Variants in ATP2B4 observed in about 807,000 individuals in gnomAD.
ATP2B4 encodes the protein plasma membrane calcium-transporting ATPase 4.
A neutral mutation model predicts 110.3 loss-of-function variants in ATP2B4; 39 were observed. The observed-to-expected ratio is 0.35, with a 90% CI of 0.27 to 0.46. The LOEUF is 0.46. Among genes scored for constraint, ATP2B4 ranks in the 20% least tolerant of loss-of-function variants. The pLI is 1.00. For missense variants in ATP2B4, 1,135 were observed against 1,530.9 expected, an observed-to-expected ratio of 0.74 and a Z score of 4.32; for synonymous variants, 538 against 571.7, an observed-to-expected ratio of 0.94 and a Z score of 0.84.
rs1377563140 is a variant in ATP2B4, at chr1:203,715,823, T to C, written c.2406+1546T>C. Among the ~76,000 whole-genome samples, 7 of 144,464 alleles carry C rather than the reference T, an allele frequency of 4.8e-5. 1 individual carries two copies. The highest frequency in any genetic ancestry group is 1.5e-4 in the African/African-American group (6 of 39,536). 94.8% of individuals were successfully genotyped at this position (144,464 alleles called of 152,430 possible). On this transcript the variant is annotated intron_variant, in intron 15 of 20. Transcript: ENST00000357681. The stretch of plus-strand genomic sequence containing the variant: ...ATAACTTGCAGTTATTTGATACATC[T>C]GTTAAGTCTCTTAACCTATCTCTTG...
At chr1:203,655,962 C>T (rs1309938920) in intron 1 of ATP2B4, among the ~76,000 whole-genome samples, 1 of 151,848 alleles carries the variant, frequency 6.6e-6, no homozygotes, top group Non-Finnish European at 1.5e-5. Flanking sequence ...TGGAGTGCAA[C>T]GGTGCGATCT....
chr1:203,707,115 C>T lies in ATP2B4; in HGVS notation c.1206C>T (p.Tyr402=). Residue 402 remains tyrosine, a synonymous_variant, in exon 9 of 21, where the codon TAC becomes TAT. Coordinates refer to ENST00000357681, the MANE Select transcript of ATP2B4 (RefSeq NM_001684.5). ...GGCTCCCTGAGTGTACTCCCATCTA[C>T]ATCCAGTACTTTGTCAAGTTCTTCA... is the stretch of plus-strand genomic sequence containing the variant. The part of the protein sequence containing the change: ...RPWLPECTPI[Y]IQYFVKFFII... 2 of 1,614,156 alleles carry T rather than the reference C, an allele frequency of 1.2e-6. No homozygotes were observed. The highest frequency in any genetic ancestry group is 1.7e-6 in the Non-Finnish European group (2 of 1,180,010).
intron 1 of ATP2B4, among the ~76,000 whole-genome samples, chr1:203,635,847 G>A (rs955975545): frequency 1.3e-5 from 2 of 152,140 alleles, no homozygotes; most frequent in African/African-American, 4.8e-5. Context: ...CTAAGCTCTT[G>A]GGTGCTGAGA....
At chr1:203,687,994 G>GATTATT (rs71145015) in intron 2 of ATP2B4, among the ~76,000 whole-genome samples, 1,842 of 138,572 alleles carry the variant, frequency 0.013, 14 homozygotes, top group Non-Finnish European at 0.015. Context: ...GAGAGAAAGA[G>GATTATT]ATTATTATTA....
intron 3 of ATP2B4, among the ~76,000 whole-genome samples, chr1:203,699,113 A>G (rs994842189): frequency 6.6e-6 from 1 of 152,122 alleles, no homozygotes; most frequent in African/African-American, 2.4e-5. Context: ...AAAACCCTAC[A>G]TCTCAAAGTG....
At chr1:203,717,067 G>A (rs1009966921) in intron 15 of ATP2B4, among the ~76,000 whole-genome samples, 2 of 111,844 alleles carry the variant, frequency 1.8e-5, no homozygotes, top group African/African-American at 6.2e-5. Context: ...GCATGATGGC[G>A]GGCGCCTGTA....
At position 203,669,241 on chromosome 1, in the gene ATP2B4, A is replaced by T. The variant is rs140435623; in HGVS notation, c.-464-13501A>T. Among the ~76,000 whole-genome samples, 791 of 152,216 alleles carry T rather than the reference A, an allele frequency of 5.2e-3. 9 individuals carry two copies. Among genetic ancestry groups the T allele is most frequent in the African/African-American group, 0.018 (760 of 41,522 alleles). On this transcript the variant is annotated intron_variant, in intron 1 of 20. Coordinates refer to ENST00000357681, the MANE Select transcript of ATP2B4 (RefSeq NM_001684.5). Reference sequence around the variant, plus strand: ...TTCAGTGATGGCTCATTCCCCTTCTATCTGCACCAAAACCTCTGTGACTGT... The same window carrying T: ...TTCAGTGATGGCTCATTCCCCTTCTTTCTGCACCAAAACCTCTGTGACTGT...
intron 2 of ATP2B4, among the ~76,000 whole-genome samples, chr1:203,690,103 A>C (rs1665320073): frequency 6.6e-6 from 1 of 152,208 alleles, no homozygotes; most frequent in South Asian, 2.1e-4. Flanking sequence ...AAGACGGCCA[A>C]CCCAAATTAC....
chr1:203,672,022 T>C lies in ATP2B4; in HGVS notation c.-464-10720T>C, dbSNP rs1664678428. On this transcript the variant is annotated intron_variant, in intron 1 of 20. Coordinates refer to ENST00000357681, the MANE Select transcript of ATP2B4 (RefSeq NM_001684.5). The stretch of plus-strand genomic sequence containing the variant: ...CTTGATAGTGGCAGCTGGTGGGGGC[T>C]GGGGGGAGGGAGGAGTGCTGCTGTT... Among the ~76,000 whole-genome samples the C allele has an allele frequency of 1.3e-5, 2 of 151,632 alleles. 1 individual carries two copies. The highest frequency in any genetic ancestry group is 4.2e-4 in the South Asian group (2 of 4,810).
intron 12 of ATP2B4, among the ~76,000 whole-genome samples, 174 bp from the exon 13 acceptor site, chr1:203,711,786 A>G (rs1265689788): frequency 6.6e-5 from 10 of 152,204 alleles, no homozygotes; most frequent in Admixed American, 6.5e-4. Context: ...CGTGGGTAGG[A>G]CAGAAGTGAG....
intron 20 of ATP2B4, among the ~76,000 whole-genome samples, chr1:203,731,614 G>A (rs1666714354): frequency 1.3e-5 from 2 of 152,176 alleles, no homozygotes; most frequent in South Asian, 2.1e-4. Context: ...CACTTTGGGA[G>A]GCTGAGGAAG....
At chr1:203,651,262 C>G (rs192458629) in intron 1 of ATP2B4, among the ~76,000 whole-genome samples, 1 of 152,144 alleles carries the variant, frequency 6.6e-6, no homozygotes, top group East Asian at 1.9e-4. Context: ...ATTTCTAGTT[C>G]TATCTCTTTT....
chr1:203,644,678 T>G (rs1259344989), intron 1 of ATP2B4, among the ~76,000 whole-genome samples: 2 of 152,156 alleles, frequency 1.3e-5, no homozygotes, highest in African/African-American at 4.8e-5. Flanking sequence ...AAAAGTAAGA[T>G]CTCACTGCTG....
chr1:203,662,851 G>A (rs1664389379), intron 1 of ATP2B4, among the ~76,000 whole-genome samples: 1 of 152,222 alleles, frequency 6.6e-6, no homozygotes, highest in South Asian at 2.1e-4. Context: ...GTGGAATTGA[G>A]TGTGCTGTTT....
chr1:203,656,230 C>T (rs1319613683), intron 1 of ATP2B4, among the ~76,000 whole-genome samples: 1 of 152,188 alleles, frequency 6.6e-6, no homozygotes, highest in Admixed American at 6.5e-5. Flanking sequence ...AGAATCAGTG[C>T]AGTCTTCTTT....
At chr1:203,634,904 T>G (rs761821399) in intron 1 of ATP2B4, among the ~76,000 whole-genome samples, 102 of 152,262 alleles carry the variant, frequency 6.7e-4, no homozygotes, top group Non-Finnish European at 1.3e-3. Flanking sequence ...GCTCAAGCAA[T>G]CCACCTGCTT....
intron 2 of ATP2B4, among the ~76,000 whole-genome samples, chr1:203,695,060 T>C (rs1195187609): frequency 2.0e-5 from 3 of 152,294 alleles, no homozygotes; most frequent in African/African-American, 7.2e-5. Flanking sequence ...TTCATTAGGC[T>C]ATTGGGGTGC....
At chr1:203,685,876 A>C (rs1665163523) in intron 2 of ATP2B4, among the ~76,000 whole-genome samples, 1 of 152,234 alleles carries the variant, frequency 6.6e-6, no homozygotes, top group African/African-American at 2.4e-5. Flanking sequence ...ATTAAAACAG[A>C]GTCCATGCAT....
intron 1 of ATP2B4, among the ~76,000 whole-genome samples, chr1:203,648,832 A>G (rs1397930068): frequency 6.6e-6 from 1 of 152,182 alleles, no homozygotes; most frequent in Non-Finnish European, 1.5e-5. Context: ...CATTATGAAT[A>G]TAGAGAGTTT....
Sources: allele counts gnomAD v4.1 joint callset (sites outside exome capture counted in the v4.1 genomes callset), GRCh38; gene constraint gnomAD v4.1.1; transcripts MANE v1.5; gene names NCBI Gene and HGNC (gene_info 2026-07-23, HGNC 2026-07-21).